EXOC8: variants seen among roughly 807,000 people sequenced by gnomAD.
EXOC8 encodes exocyst complex 84 kDa subunit.
Under a neutral mutation model 50.8 loss-of-function variants are expected in EXOC8, and 19 were observed. That is an observed-to-expected ratio of 0.37 (90% CI 0.26 to 0.55). The LOEUF is 0.55. Ranked by LOEUF, EXOC8 falls within the 20% of genes least tolerant of loss-of-function variation. The probability of loss-of-function intolerance (pLI) is 0.80; values close to 1 mark genes in which losing one functional copy is unlikely to be tolerated. For synonymous variants in EXOC8, 384 were observed against 367.9 expected (o/e 1.04, Z -0.50); for missense variants, 781 against 915.8 (o/e 0.85, Z 1.90).
At position 231,335,606 on chromosome 1, in the gene EXOC8, T is replaced by G. The variant is rs1289159588; in HGVS notation, c.2140A>C (p.Ile714Leu). The G allele has an allele frequency of 1.9e-6, 3 of 1,613,070 alleles. No homozygotes were observed. The highest frequency in any genetic ancestry group is 2.2e-5 in the East Asian group (1 of 44,886). Residue 714 changes from isoleucine to leucine, a missense_variant, in exon 1 of 1, where the codon ATT (isoleucine) becomes CTT (leucine). Transcript: ENST00000366645. ...GTTGTACTTTCAGGATTCACACGAA[T>G]AAGTCTAGATGCATTCCTCAGATCT... Reference protein sequence around the residue: ...LQDLRNASRLIRVNPESTTSV... With the variant: ...LQDLRNASRLLRVNPESTTSV...
chr1:231,337,404 G>T lies in EXOC8; in HGVS notation c.342C>A (p.Ala114=). ...TLLPAAAAAG[A]AAASGGEEGV... ...CCTCCTCCCCTCCAGAGGCGGCGGC[G>T]GCTCCGGCGGCAGCAGCGGCAGGCA... The change falls in exon 1 of 1, where the codon GCC becomes GCA. Residue 114 remains alanine, a synonymous_variant. Coordinates refer to ENST00000366645, the MANE Select transcript of EXOC8 (RefSeq NM_175876.5). The surrounding 1 kb of genome is among the most constrained non-coding windows in gnomAD (Gnocchi z 5.9). The T allele has an allele frequency of 6.2e-7, 1 of 1,604,784 alleles. No individual in the cohort carries two copies.
rs895646177 is a variant in EXOC8, at chr1:231,337,737, C to T, written c.9G>A (p.Met3Ile). The T allele has an allele frequency of 2.5e-6, 4 of 1,597,226 alleles. No homozygotes were observed. Among genetic ancestry groups the T allele is most frequent in the African/African-American group, 2.7e-5 (2 of 74,148 alleles). The change falls in exon 1 of 1, where the codon ATG becomes ATA. Residue 3 changes from methionine to isoleucine, a missense_variant. This residue lies in a region of EXOC8 where 700 missense variants were observed against 804.1 expected (regional missense o/e 0.87). Transcript: ENST00000366645. This position sits in a 1 kb window ranked among gnomAD's most constrained non-coding sequence, Gnocchi z 5.9. MA[M>I]AMSDSGASRL... is the part of the protein sequence containing the mutation. ...GGCTCGCCCCACTGTCCGACATCGCCATCGCCATTTCTCTCCGGGTCTCAC... is the reference window on the plus strand; with the variant it reads ...GGCTCGCCCCACTGTCCGACATCGCTATCGCCATTTCTCTCCGGGTCTCAC...
At position 231,333,322 on chromosome 1, in the gene EXOC8, G is replaced by A. The variant is rs1169784253; in HGVS notation, c.*2246C>T. The A allele has an allele frequency of 6.6e-6, 1 of 152,138 alleles. No homozygotes were observed. The highest frequency in any genetic ancestry group is 2.4e-5 in the African/African-American group (1 of 41,426). 9.4% of individuals were successfully genotyped at this position (152,138 alleles called of 1,614,324 possible). ...CTTTAGTCAAGTTCCCATACTAATT[G>A]ACTCACCAAAGCATACTTCCTTCAG... is the stretch of plus-strand genomic sequence containing the variant. On this transcript the variant is annotated 3_prime_UTR_variant, in exon 1 of 1. Transcript: ENST00000366645.
At position 231,336,160 on chromosome 1, in the gene EXOC8, C is replaced by T; in HGVS notation, c.1586G>A (p.Cys529Tyr). 1 of 1,614,208 alleles carries T rather than the reference C, an allele frequency of 6.2e-7. No homozygotes were observed. The highest frequency in any genetic ancestry group is 8.5e-7 in the Non-Finnish European group (1 of 1,180,038). The change falls in exon 1 of 1, where the codon TGC becomes TAC. Residue 529 changes from cysteine to tyrosine, a missense_variant. Cys to Tyr is a radical substitution (Grantham distance 194). Around this residue, in one of 3 missense-constraint regions of EXOC8, gnomAD observed 700 missense variants for 804.1 expected, o/e 0.87. Transcript: ENST00000366645. This position sits in a 1 kb window ranked among gnomAD's most constrained non-coding sequence, Gnocchi z 5.4. ...AECVKVAKEH[C>Y]QQLGDIGLDL... ...CAGTCCGATATCACCCAGTTGCTGG[C>T]AATGCTCCTTAGCCACTTTTACACA...
chr1:231,337,294 G>C lies in EXOC8; in HGVS notation c.452C>G (p.Ser151Cys). 1.2e-6 allele frequency: 2 copies of C among 1,604,656 alleles called. No individual in the cohort carries two copies. The highest frequency in any genetic ancestry group is 1.3e-5 in the African/African-American group (1 of 75,004). Residue 151 changes from serine to cysteine, a missense_variant, in exon 1 of 1, where the codon TCC becomes TGC. Transcript: ENST00000366645. The surrounding 1 kb of genome is among the most constrained non-coding windows in gnomAD (Gnocchi z 5.9). ...STPGGASRDG[S>C]GPGEEGKQRT... is the part of the protein sequence containing the mutation. ...CTGCTTTCCTTCCTCGCCTGGACCG[G>C]AGCCGTCGCGGGAGGCACCCCCGGG... is the stretch of plus-strand genomic sequence containing the variant.
In EXOC8 at chr1:231,336,132, A is replaced by T. The variant is rs776174754; in HGVS notation, c.1614T>A (p.Asp538Glu). Residue 538 changes from aspartate to glutamate, a missense_variant, in exon 1 of 1, where the codon GAT (aspartate) becomes GAA (glutamate). Coordinates refer to ENST00000366645, the MANE Select transcript of EXOC8 (RefSeq NM_175876.5). This position sits in a 1 kb window ranked among gnomAD's most constrained non-coding sequence, Gnocchi z 5.4. ...HCQQLGDIGLDLTFIIHALLV... is the reference protein window; with the variant it reads ...HCQQLGDIGLELTFIIHALLV... Reference sequence around the variant, plus strand: ...GAAGGGCATGGATGATGAAGGTGAGATCCAGTCCGATATCACCCAGTTGCT... The same window carrying T: ...GAAGGGCATGGATGATGAAGGTGAGTTCCAGTCCGATATCACCCAGTTGCT... The T allele has an allele frequency of 4.3e-6, 7 of 1,614,196 alleles. No homozygotes were observed. Among genetic ancestry groups the T allele is most frequent in the Middle Eastern group, 1.6e-4 (1 of 6,062 alleles).
In EXOC8 at chr1:231,337,721, C is replaced by A; in HGVS notation, c.25G>T (p.Gly9Trp). The A allele has an allele frequency of 6.2e-7, 1 of 1,603,152 alleles. No individual in the cohort carries two copies. Residue 9 changes from glycine to tryptophan, a missense_variant, in exon 1 of 1, where the codon GGG (glycine) becomes TGG (tryptophan). Transcript: ENST00000366645. The surrounding 1 kb of genome is among the most constrained non-coding windows in gnomAD (Gnocchi z 5.9). ...AGCTGCCGACGCAGGCGGCTCGCCC[C>A]ACTGTCCGACATCGCCATCGCCATT... The part of the protein sequence containing the change: MAMAMSDS[G>W]ASRLRRQLES...
Position 231,337,001 on chromosome 1 carries a change from C to T in EXOC8, c.745G>A (p.Asp249Asn). 1 of 1,614,132 alleles carries T rather than the reference C, an allele frequency of 6.2e-7. No homozygotes were observed. Residue 249 changes from aspartate to asparagine, a missense_variant, in exon 1 of 1, where the codon GAC (aspartate) becomes AAC (asparagine). By Grantham distance (23) the Asp-to-Asn change is conservative. Transcript: ENST00000366645. The surrounding 1 kb of genome is among the most constrained non-coding windows in gnomAD (Gnocchi z 5.9). ...GGGAACATAAGCAGCTTGAACATGTCCTTCATGGGCGGGTTGTCCTTGACA... is the reference window on the plus strand; with the variant it reads ...GGGAACATAAGCAGCTTGAACATGTTCTTCATGGGCGGGTTGTCCTTGACA... The part of the protein sequence containing the change: ...VNVKDNPPMK[D>N]MFKLLMFPES...
At position 231,337,533 on chromosome 1, in the gene EXOC8, T is replaced by C; in HGVS notation, c.213A>G (p.Ile71Met). 1 of 1,613,436 alleles carries C rather than the reference T, an allele frequency of 6.2e-7. No individual in the cohort carries two copies. The highest frequency in any genetic ancestry group is 1.7e-5 in the Admixed American group (1 of 59,998). The part of the protein sequence containing the change: ...RNVYQNYRQF[I>M]ETAREISYLE... ...GGTAGGAGATCTCGCGGGCCGTCTC[T>C]ATGAACTGCCGGTAGTTCTGGTAGA... Residue 71 changes from isoleucine (I) to methionine (M), a missense_variant, in exon 1 of 1, where the codon ATA becomes ATG. Physicochemically the swap from Ile to Met is conservative, Grantham distance 10. Transcript: ENST00000366645. This position sits in a 1 kb window ranked among gnomAD's most constrained non-coding sequence, Gnocchi z 5.9.
In EXOC8 at chr1:231,335,166, G is replaced by A; in HGVS notation, c.*402C>T. 1 of 152,810 alleles carries A rather than the reference G, an allele frequency of 6.5e-6. No homozygotes were observed. The highest frequency in any genetic ancestry group is 2.1e-4 in the South Asian group (1 of 4,852). The allele number at this position is 152,810 out of a possible 1,614,324, so 9.5% of individuals were successfully genotyped here. On this transcript the variant is annotated 3_prime_UTR_variant, in exon 1 of 1. Coordinates refer to ENST00000366645, the MANE Select transcript of EXOC8 (RefSeq NM_175876.5). ...GAGGTGGGAGGACTACCTGGGCCCGGGAGGTCAAGGCTGCAGTGAGTCGAG... is the reference window on the plus strand; with the variant it reads ...GAGGTGGGAGGACTACCTGGGCCCGAGAGGTCAAGGCTGCAGTGAGTCGAG...
Position 231,335,878 on chromosome 1 carries a change from T to G in EXOC8, c.1868A>C (p.Gln623Pro). ...LSYTVVAFTK[Q>P]TMGFLEEALK... The stretch of plus-strand genomic sequence containing the variant: ...GGCCTCTTCCAAGAAGCCCATGGTC[T>G]GTTTGGTGAAAGCAACCACTGTGTA... Residue 623 changes from glutamine (Q) to proline (P), a missense_variant, in exon 1 of 1, where the codon CAG becomes CCG. Gln to Pro is a moderately conservative substitution (Grantham distance 76, BLOSUM62 -1). Around this residue, in one of 3 missense-constraint regions of EXOC8, gnomAD observed 700 missense variants for 804.1 expected, o/e 0.87. Coordinates refer to ENST00000366645, the MANE Select transcript of EXOC8 (RefSeq NM_175876.5). 1 of 1,614,198 alleles carries G rather than the reference T, an allele frequency of 6.2e-7. No homozygotes were observed. The highest frequency in any genetic ancestry group is 8.5e-7 in the Non-Finnish European group (1 of 1,180,044).
At position 231,337,240 on chromosome 1, in the gene EXOC8, A is replaced by G; in HGVS notation, c.506T>C (p.Val169Ala). Residue 169 changes from valine (V) to alanine (A), a missense_variant, in exon 1 of 1, where the codon GTG (valine) becomes GCG (alanine). By Grantham distance (64) the Val-to-Ala change is moderately conservative. Coordinates refer to ENST00000366645, the MANE Select transcript of EXOC8 (RefSeq NM_175876.5). This position sits in a 1 kb window ranked among gnomAD's most constrained non-coding sequence, Gnocchi z 5.9. ...CTCCAGCAGATGCCTGCAGCCTTCC[A>G]CCTTCTCAAGCAGGGTGGTGAGAGT... is the stretch of plus-strand genomic sequence containing the variant. The part of the protein sequence containing the change: ...QRTLTTLLEK[V>A]EGCRHLLETP... 1 of 1,612,420 alleles carries G rather than the reference A, an allele frequency of 6.2e-7. No homozygotes were observed. Among genetic ancestry groups the G allele is most frequent in the South Asian group, 1.1e-5 (1 of 91,074 alleles).
chr1:231,335,724 G>A lies in EXOC8; in HGVS notation c.2022C>T (p.Ile674=). 1 of 1,614,194 alleles carries A rather than the reference G, an allele frequency of 6.2e-7. No homozygotes were observed. The highest frequency in any genetic ancestry group is 1.3e-5 in the African/African-American group (1 of 75,032). Residue 674 remains isoleucine (I), a synonymous_variant, in exon 1 of 1, where the codon ATC becomes ATT. Coordinates refer to ENST00000366645, the MANE Select transcript of EXOC8 (RefSeq NM_175876.5). ...CATATAAAAAGGATGCATTCTGTCT[G>A]ATAAAAGCTTTCTTCTCTGGATCCT... is the stretch of plus-strand genomic sequence containing the variant. ...CEQDPEKKAF[I]RQNASFLYET...
In EXOC8 at chr1:231,335,301, T is replaced by C. The variant is rs1469959492; in HGVS notation, c.*267A>G. The C allele has an allele frequency of 7.7e-6, 2 of 258,458 alleles. No homozygotes were observed. The highest frequency in any genetic ancestry group is 1.0e-4 in the South Asian group (1 of 9,666). 16.0% of individuals were successfully genotyped at this position (258,458 alleles called of 1,614,324 possible). A position where few individuals can be genotyped will look rare whatever the true frequency, so the allele number is the denominator to read the frequency against. On this transcript the variant is annotated 3_prime_UTR_variant, in exon 1 of 1. Transcript: ENST00000366645. ...GATAAAACCGAAATGCTATAGTATA[T>C]AGTGTGACCATAATTTCAGAAGAAG... is the stretch of plus-strand genomic sequence containing the variant.
chr1:231,337,700 G>A lies in EXOC8; in HGVS notation c.46C>T (p.Gln16Ter). The A allele has an allele frequency of 6.2e-7, 1 of 1,604,578 alleles. No individual in the cohort carries two copies. Among genetic ancestry groups the A allele is most frequent in the Non-Finnish European group, 8.5e-7 (1 of 1,177,492 alleles). The stretch of plus-strand genomic sequence containing the variant: ...GCCTCAAAACCCCCTGACTCCAGCT[G>A]CCGACGCAGGCGGCTCGCCCCACTG... Reference protein sequence around the residue: ...SDSGASRLRRQLESGGFEARL... With the variant: ...SDSGASRLRR The change falls in exon 1 of 1, where the codon CAG becomes TAG. Residue 16 changes from glutamine to a stop codon, truncating the protein, a stop_gained. Coordinates refer to ENST00000366645, the MANE Select transcript of EXOC8 (RefSeq NM_175876.5). LOFTEE classifies it high-confidence loss of function. The surrounding 1 kb of genome is among the most constrained non-coding windows in gnomAD (Gnocchi z 5.9).
rs1686627144 is a variant in EXOC8 at position 231,334,700 on chromosome 1, T to C, written c.*868A>G. On this transcript the variant is annotated 3_prime_UTR_variant, in exon 1 of 1. Transcript: ENST00000366645. ...AACTGAAAATTAGCCATTCAAATTA[T>C]ATTGGAAATATTTGCTGAATTGTTT... The C allele has an allele frequency of 6.6e-6, 1 of 152,266 alleles. No homozygotes were observed. The highest frequency in any genetic ancestry group is 6.5e-5 in the Admixed American group (1 of 15,288). 9.4% of individuals were successfully genotyped at this position (152,266 alleles called of 1,614,324 possible).
chr1:231,337,461 T>C lies in EXOC8; in HGVS notation c.285A>G (p.Lys95=). 5.0e-6 allele frequency: 8 copies of C among 1,612,642 alleles called. No homozygotes were observed. Among genetic ancestry groups the C allele is most frequent in the Non-Finnish European group, 6.8e-6 (8 of 1,179,954 alleles). ...YQLSHLLTEQ[K]SSLESIPLTL... ...TAAGCGGGATGCTCTCCAGGCTGCT[T>C]TTCTGCTCGGTCAGCAAATGGCTGA... The change falls in exon 1 of 1, where the codon AAA becomes AAG. Residue 95 remains lysine, a synonymous_variant. Coordinates refer to ENST00000366645, the MANE Select transcript of EXOC8 (RefSeq NM_175876.5). The surrounding 1 kb of genome is among the most constrained non-coding windows in gnomAD (Gnocchi z 5.9).
rs1240276686 is a variant in EXOC8 at position 231,337,319 on chromosome 1, G to C, written c.427C>G (p.Pro143Ala). ...GAGCCGTCGCGGGAGGCACCCCCGG[G>C]GGTGGAGAAAAAGCCGGCCTGGCCT... ...LRGQAGFFST[P>A]GGASRDGSGP... Residue 143 changes from proline (P) to alanine (A), a missense_variant, in exon 1 of 1, where the codon CCC becomes GCC. Pro to Ala is a conservative substitution (Grantham distance 27, BLOSUM62 -1). This residue lies in a region of EXOC8 where 700 missense variants were observed against 804.1 expected (regional missense o/e 0.87). Transcript: ENST00000366645. This position sits in a 1 kb window ranked among gnomAD's most constrained non-coding sequence, Gnocchi z 5.9. 2.5e-6 allele frequency: 4 copies of C among 1,603,234 alleles called. No homozygotes were observed. Among genetic ancestry groups the C allele is most frequent in the Non-Finnish European group, 3.4e-6 (4 of 1,179,940 alleles).
At position 231,336,430 on chromosome 1, in the gene EXOC8, A is replaced by C. The variant is rs772450076; in HGVS notation, c.1316T>G (p.Val439Gly). The change falls in exon 1 of 1, where the codon GTT becomes GGT. Residue 439 changes from valine to glycine, a missense_variant. By Grantham distance (109) the Val-to-Gly change is moderately radical. Transcript: ENST00000366645. The surrounding 1 kb of genome is among the most constrained non-coding windows in gnomAD (Gnocchi z 5.4). ...GCGAAGCTGACGAATTGCAGTATGA[A>C]CAGCGGCTGCCCTGTTTCTCAAAAA... Reference protein sequence around the residue: ...ELFLRNRAAAVHTAIRQLRIE... With the variant: ...ELFLRNRAAAGHTAIRQLRIE... The C allele has an allele frequency of 6.2e-7, 1 of 1,614,054 alleles. No homozygotes were observed. The highest frequency in any genetic ancestry group is 8.5e-7 in the Non-Finnish European group (1 of 1,180,026).
Sources: allele counts gnomAD v4.1 joint callset, GRCh38; gene constraint gnomAD v4.1.1; regional missense constraint gnomAD v4.1.1; non-coding constraint Gnocchi (gnomAD v3.1); transcripts MANE v1.5; gene names NCBI Gene and HGNC (gene_info 2026-07-23, HGNC 2026-07-21).